The following CACNA2D3 variants were observed in gnomAD, a reference collection of about 807,000 sequenced individuals.
CACNA2D3 encodes the protein voltage-dependent calcium channel subunit alpha-2/delta-3.
Under a neutral mutation model 160.6 loss-of-function variants are expected in CACNA2D3, and 60 were observed. The observed-to-expected ratio is 0.37, with a 90% CI of 0.30 to 0.46. The LOEUF (loss-of-function observed/expected upper bound fraction) is 0.46. Ranked by LOEUF, CACNA2D3 falls within the 20% of genes least tolerant of loss-of-function variation. The probability of loss-of-function intolerance (pLI) is 1.00; values close to 1 mark genes in which losing one functional copy is unlikely to be tolerated. For missense variants in CACNA2D3, 1,205 were observed against 1,365.0 expected (o/e 0.88, Z 1.85); for synonymous variants, 558 against 492.9 (o/e 1.13, Z -1.75).
intron 4 of CACNA2D3, among the ~76,000 whole-genome samples, chr3:54,401,049 A>G (rs1312524470): frequency 6.6e-6 from 1 of 152,168 alleles, no homozygotes; most frequent in Non-Finnish European, 1.5e-5. Context: ...AAATATCATT[A>G]AAAAGAACCA....
chr3:54,888,875 A>G (rs978418317), intron 24 of CACNA2D3, among the ~76,000 whole-genome samples: 3 of 152,096 alleles, frequency 2.0e-5, no homozygotes, highest in African/African-American at 7.2e-5. Context: ...GGTGTTGGGG[A>G]AATGGAGAGA....
chr3:54,496,738 T>G (rs1262751125), intron 4 of CACNA2D3, among the ~76,000 whole-genome samples: 1 of 152,178 alleles, frequency 6.6e-6, no homozygotes, highest in African/African-American at 2.4e-5. Flanking sequence ...TATCCTTTAC[T>G]TTTTTCCTAG....
intron 35 of CACNA2D3, among the ~76,000 whole-genome samples, chr3:55,032,047 G>A (rs1419160097): frequency 1.3e-5 from 2 of 152,122 alleles, no homozygotes; most frequent in Non-Finnish European, 2.9e-5. Context: ...TTTATCGAAT[G>A]CCTACTTTTC....
At chr3:54,845,545 A>G (rs374667115) in intron 16 of CACNA2D3, among the ~76,000 whole-genome samples, 9 of 152,256 alleles carry the variant, frequency 5.9e-5, no homozygotes, top group African/African-American at 1.9e-4. Context: ...GGCCGTTTTA[A>G]TACATGAATG....
intron 2 of CACNA2D3, among the ~76,000 whole-genome samples, chr3:54,276,162 A>G (rs1702733790): frequency 6.6e-6 from 1 of 152,066 alleles, no homozygotes; most frequent in Non-Finnish European, 1.5e-5. Flanking sequence ...TCCCAAATGA[A>G]TGTGCCCTGC....
intron 27 of CACNA2D3, among the ~76,000 whole-genome samples, chr3:54,941,448 T>A (rs1251997259): frequency 6.6e-6 from 1 of 152,208 alleles, no homozygotes; most frequent in East Asian, 1.9e-4. Context: ...GGCCCAGGGA[T>A]GGGGCTTTAA....
rs558762643 is a variant in CACNA2D3 at position 54,965,137 on chromosome 3, A to G, written c.2450-3313A>G. ...TCAGTTAAAACTACTCAGCTCTGCT[A>G]TTGGAGTCATAGACAGTGTGCAAAC... On this transcript the variant is annotated intron_variant, in intron 27 of 37. Transcript: ENST00000474759. Among the ~76,000 whole-genome samples, 37 of 152,296 alleles carry G rather than the reference A, an allele frequency of 2.4e-4. 1 individual carries two copies. In the South Asian group the frequency reaches 6.6e-3, roughly 27 times the overall value.
intron 11 of CACNA2D3, among the ~76,000 whole-genome samples, chr3:54,661,601 A>G (rs557059080): frequency 5.7e-4 from 87 of 152,298 alleles, no homozygotes; most frequent in Middle Eastern, 6.8e-3. Context: ...AGAGAGAGTC[A>G]TCTTAAGCTA....
intron 2 of CACNA2D3, among the ~76,000 whole-genome samples, chr3:54,148,551 G>A (rs1700080624): frequency 6.6e-6 from 1 of 152,160 alleles, no homozygotes; most frequent in Non-Finnish European, 1.5e-5. Flanking sequence ...CCTCATATAG[G>A]TGAAGCGAAA....
intron 21 of CACNA2D3, among the ~76,000 whole-genome samples, chr3:54,883,063 G>C (rs1036719003): frequency 2.0e-5 from 3 of 152,036 alleles, no homozygotes; most frequent in Non-Finnish European, 2.9e-5. Flanking sequence ...CTCTGTTGCT[G>C]AGGCTGGAGT....
chr3:54,846,572 C>T, intron 17 of CACNA2D3, 105 bp downstream of exon 17: 1 of 697,494 alleles, frequency 1.4e-6, no homozygotes. Flanking sequence ...TTTTAAAAAA[C>T]TATTGAATTC....
chr3:54,908,785 T>C (rs1700498210), intron 27 of CACNA2D3, among the ~76,000 whole-genome samples: 1 of 152,184 alleles, frequency 6.6e-6, no homozygotes, highest in African/African-American at 2.4e-5. Flanking sequence ...AAAAGTTGTA[T>C]TGAAATGCAG....
In CACNA2D3 at chr3:54,441,062, A is replaced by G. The variant is rs1284138599; in HGVS notation, c.381+54288A>G. On this transcript the variant is annotated intron_variant, in intron 4 of 37. Coordinates refer to ENST00000474759, the MANE Select transcript of CACNA2D3 (RefSeq NM_018398.3). ...TTCTAGATCCCTGAGGAATCGCCAC[A>G]CTGACTTCCACAATGGTTGAACTAG... Among the ~76,000 whole-genome samples, 3 of 152,182 alleles carry G rather than the reference A, an allele frequency of 2.0e-5. No individual in the cohort carries two copies. The East Asian group carries it at 5.8e-4, about 29-fold the overall frequency.
At chr3:54,544,982 A>G (rs2106671944) in intron 5 of CACNA2D3, among the ~76,000 whole-genome samples, 2 of 152,360 alleles carry the variant, frequency 1.3e-5, no homozygotes, top group Admixed American at 1.3e-4. Context: ...CTGCATAGAT[A>G]GCATGTCTTG....
chr3:54,163,715 A>G (rs1700393988), intron 2 of CACNA2D3, among the ~76,000 whole-genome samples: 1 of 152,214 alleles, frequency 6.6e-6, no homozygotes, highest in African/African-American at 2.4e-5. Context: ...GGAAGATCCC[A>G]TGCAGAAACA....
chr3:54,690,760 A>G (rs1700556650), intron 11 of CACNA2D3, among the ~76,000 whole-genome samples: 2 of 152,198 alleles, frequency 1.3e-5, no homozygotes, highest in South Asian at 4.1e-4. Flanking sequence ...AATATGACAA[A>G]TAGGTTTTGT....
At chr3:54,146,705 G>C (rs986075830) in intron 2 of CACNA2D3, among the ~76,000 whole-genome samples, 2 of 152,258 alleles carry the variant, frequency 1.3e-5, no homozygotes, top group African/African-American at 4.8e-5. Context: ...TGAGCCGCAT[G>C]TGCACAGAAC....
chr3:54,891,537 C>G (rs1449578808), intron 25 of CACNA2D3, 87 bp downstream of exon 25: 76 of 1,050,658 alleles, frequency 7.2e-5, no homozygotes, highest in Non-Finnish European at 1.6e-5. Context: ...CTTGATTCCA[C>G]TACTGGTAGA....
chr3:54,468,460 C>T (rs919351706), intron 4 of CACNA2D3, among the ~76,000 whole-genome samples: 1 of 152,176 alleles, frequency 6.6e-6, no homozygotes, highest in Admixed American at 6.5e-5. Context: ...CCCTCGGGTG[C>T]CTAGGCCACC....
Sources: gnomAD v4.1 joint callset for allele counts (sites outside exome capture counted in the v4.1 genomes callset) on GRCh38, gnomAD v4.1.1 for gene constraint, MANE v1.5 for transcripts, NCBI Gene and HGNC (gene_info 2026-07-23, HGNC 2026-07-21) for gene names.